The following NFAT5 variants were observed in gnomAD, a reference collection of about 807,000 sequenced individuals.
NFAT5 encodes the protein nuclear factor of activated T-cells 5.
In NFAT5, 31 loss-of-function variants were observed where a neutral mutation model predicts 166.5. The observed-to-expected ratio is 0.19, with a 90% CI of 0.14 to 0.25. The LOEUF is 0.25. NFAT5 is among the 10% of genes least tolerant of loss of function. The probability of loss-of-function intolerance (pLI) is 1.00; values close to 1 mark genes in which losing one functional copy is unlikely to be tolerated. For missense variants in NFAT5, 1,449 were observed against 1,821.8 expected (o/e 0.80, Z 3.72); for synonymous variants, 612 against 639.7 (o/e 0.96, Z 0.65).
At chr16:69,635,839 C>G (rs995247013) in intron 3 of NFAT5, among the ~76,000 whole-genome samples, 2 of 152,120 alleles carry the variant, frequency 1.3e-5, no homozygotes, top group African/African-American at 4.8e-5. Context: ...CACAGCCAAA[C>G]CACATCATTC....
chr16:69,568,653 T>A, intron 2 of NFAT5, 105 bp downstream of exon 2: 1 of 845,586 alleles, frequency 1.2e-6, no homozygotes, highest in Non-Finnish European at 1.8e-6. Context: ...TCACACAATG[T>A]AGTTTTCTCC....
intron 6 of NFAT5, among the ~76,000 whole-genome samples, chr16:69,656,282 C>CAAA (rs1230748739): frequency 2.4e-4 from 14 of 58,772 alleles, no homozygotes; most frequent in East Asian, 5.4e-4. Flanking sequence ...CTCTGTCTCA[C>CAAA]AAAAAAAAAA....
intron 5 of NFAT5, among the ~76,000 whole-genome samples, chr16:69,653,907 T>C (rs1225601839): frequency 6.6e-6 from 1 of 152,138 alleles, no homozygotes; most frequent in African/African-American, 2.4e-5. Context: ...GAGATGGTTA[T>C]AGTAATCAAG....
intron 3 of NFAT5, among the ~76,000 whole-genome samples, chr16:69,638,863 CT>C (rs924704227): frequency 2.0e-5 from 3 of 150,624 alleles, no homozygotes; most frequent in South Asian, 2.1e-4. Context: ...TCCCTTGGAA[CT>C]TTTTTTTTCT....
chr16:69,578,253 C>G (rs998397164), intron 2 of NFAT5, among the ~76,000 whole-genome samples: 1 of 152,056 alleles, frequency 6.6e-6, no homozygotes, highest in African/African-American at 2.4e-5. Context: ...TACCAAGGGA[C>G]GACTGTACTC....
chr16:69,695,390 C>T lies in NFAT5; in HGVS notation c.*8+11C>T, dbSNP rs112654812. ...CTTTTAACTGGATATGTAAGTATTGCATTTTGGCTTCTTATTGAAAAGCAT... is the reference window on the plus strand; with the variant it reads ...CTTTTAACTGGATATGTAAGTATTGTATTTTGGCTTCTTATTGAAAAGCAT... On this transcript the variant is annotated intron_variant, in intron 14 of 14. Coordinates refer to ENST00000349945, the MANE Select transcript of NFAT5 (RefSeq NM_138713.4). The T allele has an allele frequency of 6.4e-7, 1 of 1,567,192 alleles. No individual in the cohort carries two copies. The highest frequency in any genetic ancestry group is 8.8e-7 in the Non-Finnish European group (1 of 1,138,712).
chr16:69,620,679 A>G (rs2034157348), intron 2 of NFAT5, among the ~76,000 whole-genome samples: 1 of 152,224 alleles, frequency 6.6e-6, no homozygotes, highest in Non-Finnish European at 1.5e-5. Flanking sequence ...ACACAAAAGT[A>G]AAATCACTTC....
At chr16:69,679,481 G>C (rs1437029914) in intron 10 of NFAT5, among the ~76,000 whole-genome samples, 1 of 151,902 alleles carries the variant, frequency 6.6e-6, no homozygotes, top group African/African-American at 2.4e-5. Flanking sequence ...CAGGCGTGGT[G>C]GTGGGCACCT....
rs546205393 is a variant in NFAT5 at position 69,586,259 on chromosome 16, A to C, written c.127+17711A>C. 2.6e-5 allele frequency among the ~76,000 whole-genome samples: 4 copies of C among 152,298 alleles called. No individual in the cohort carries two copies. In the South Asian group the frequency reaches 6.2e-4, roughly 24 times the overall value. Reference sequence around the variant, plus strand: ...TGTGGGACCCAAAATCTTTAGCTTTAGATGTAAGTGAGATGACCTAAATAC... The same window carrying C: ...TGTGGGACCCAAAATCTTTAGCTTTCGATGTAAGTGAGATGACCTAAATAC... On this transcript the variant is annotated intron_variant, in intron 2 of 14. Transcript: ENST00000349945.
In NFAT5 at chr16:69,647,627, A is replaced by AAAAC. The variant is rs754882611; in HGVS notation, c.812+53_812+56dup. The AAAAC allele has an allele frequency of 2.1e-4, 314 of 1,486,378 alleles. No individual in the cohort carries two copies. The highest frequency in any genetic ancestry group is 2.6e-4 in the Non-Finnish European group (288 of 1,121,234). 92.1% of individuals were successfully genotyped at this position (1,486,378 alleles called of 1,614,324 possible). On this transcript the variant is annotated intron_variant, in intron 4 of 14. Coordinates refer to ENST00000349945, the MANE Select transcript of NFAT5 (RefSeq NM_138713.4). This position sits in a 1 kb window ranked among gnomAD's most constrained non-coding sequence, Gnocchi z 4.8. ...TTTTAAAATTCTATCATCATTATGCAAAACAAACAAACAAAAAAAATTCCC... is the reference window on the plus strand; with the variant it reads ...TTTTAAAATTCTATCATCATTATGCAAAACAAACAAACAAACAAAAAAAATTCCC...
At chr16:69,640,002 G>A (rs2035134716) in intron 3 of NFAT5, among the ~76,000 whole-genome samples, 2 of 152,168 alleles carry the variant, frequency 1.3e-5, no homozygotes, top group South Asian at 4.1e-4. Context: ...GGTGGGAAAA[G>A]TACAAATGGG....
At chr16:69,654,016 A>AGTAC (rs2035783475) in intron 5 of NFAT5, among the ~76,000 whole-genome samples, 1 of 150,852 alleles carries the variant, frequency 6.6e-6, no homozygotes, top group Non-Finnish European at 1.5e-5. Flanking sequence ...GAAAGAAGGA[A>AGTAC]ATGAGGAAAA....
At chr16:69,607,321 T>C (rs2033464189) in intron 2 of NFAT5, among the ~76,000 whole-genome samples, 1 of 152,250 alleles carries the variant, frequency 6.6e-6, no homozygotes. Flanking sequence ...TCAGATGCTT[T>C]GTATAATGGT....
chr16:69,632,408 T>C (rs937500277), intron 3 of NFAT5: 1 of 152,184 alleles, frequency 6.6e-6, no homozygotes, highest in African/African-American at 2.4e-5. Flanking sequence ...AATTTGGCAT[T>C]GTGTGCTATC....
rs558716074 is a variant in NFAT5, at chr16:69,684,255, C to CA, written c.1691-611dup. Among the ~76,000 whole-genome samples the CA allele has an allele frequency of 8.7e-3, 737 of 84,410 alleles. 11 individuals carry two copies. The highest frequency in any genetic ancestry group is 0.028 in the African/African-American group (546 of 19,748). 55.4% of individuals were successfully genotyped at this position (84,410 alleles called of 152,430 possible). ...CCTGGGCGACCTAGCGAGACTGCCT[C>CA]AAAAAAAAAAAAAAAAAAAAATTGG... is the stretch of plus-strand genomic sequence containing the variant. On this transcript the variant is annotated intron_variant, in intron 10 of 14. Transcript: ENST00000349945.
chr16:69,575,156 T>C (rs1185614650), intron 2 of NFAT5, among the ~76,000 whole-genome samples: 1 of 152,158 alleles, frequency 6.6e-6, no homozygotes, highest in Non-Finnish European at 1.5e-5. Context: ...GCTAAGTTGT[T>C]GATTATGCTT....
chr16:69,590,226 G>C (rs1264005204), intron 2 of NFAT5, among the ~76,000 whole-genome samples: 1 of 152,150 alleles, frequency 6.6e-6, no homozygotes, highest in Non-Finnish European at 1.5e-5. Flanking sequence ...TGGGTCGTCT[G>C]AGTACAGACG....
chr16:69,583,718 G>C (rs2031850000), intron 2 of NFAT5, among the ~76,000 whole-genome samples: 1 of 152,088 alleles, frequency 6.6e-6, no homozygotes, highest in Admixed American at 6.5e-5. Context: ...TTGCATTTTT[G>C]TAACACCTGG....
At chr16:69,661,082 C>CTTTTT (rs765529666) in intron 7 of NFAT5, among the ~76,000 whole-genome samples, 4 of 127,152 alleles carry the variant, frequency 3.1e-5, no homozygotes, top group Admixed American at 8.4e-5. Flanking sequence ...CCCCACCACC[C>CTTTTT]TTTTTTTTTT....
Sources: allele counts gnomAD v4.1 joint callset (sites outside exome capture counted in the v4.1 genomes callset), GRCh38; gene constraint gnomAD v4.1.1; non-coding constraint Gnocchi (gnomAD v3.1); transcripts MANE v1.5; gene names NCBI Gene and HGNC (gene_info 2026-07-23, HGNC 2026-07-21).